The following SAMHD1 variants were observed in gnomAD, a reference collection of about 807,000 sequenced individuals.
SAMHD1 encodes SAM and HD domain containing deoxynucleoside triphosphate triphosphohydrolase 1.
A neutral mutation model predicts 79.6 loss-of-function variants in SAMHD1; 54 were observed. The observed-to-expected ratio is 0.68, with a 90% CI of 0.55 to 0.85. The LOEUF is 0.85. SAMHD1 is among the 40% of genes least tolerant of loss of function. The pLI is 0.00. For synonymous variants in SAMHD1, 260 were observed against 264.1 expected, an observed-to-expected ratio of 0.98 and a Z score of 0.15; for missense variants, 663 against 782.7, an observed-to-expected ratio of 0.85 and a Z score of 1.82.
At chr20:36,945,251 T>A (rs1450818680) in intron 2 of SAMHD1, among the ~76,000 whole-genome samples, 1 of 152,206 alleles carries the variant, frequency 6.6e-6, no homozygotes, top group African/African-American at 2.4e-5. Flanking sequence ...TAAGCGTTAA[T>A]CATATGCTTC....
intron 6 of SAMHD1, among the ~76,000 whole-genome samples, chr20:36,925,784 T>C (rs1033925338): frequency 5.9e-5 from 9 of 152,142 alleles, no homozygotes; most frequent in Non-Finnish European, 1.2e-4. Flanking sequence ...TGAAATACCA[T>C]TTGACACTCA....
chr20:36,940,658 CACT>C, intron 3 of SAMHD1: 1 of 283,328 alleles, frequency 3.5e-6, no homozygotes, highest in South Asian at 3.5e-5. Context: ...GAGATTGCAC[CACT>C]GTACTCCAGC....
chr20:36,950,650 C>G (rs1242517357), intron 1 of SAMHD1, among the ~76,000 whole-genome samples: 1 of 152,166 alleles, frequency 6.6e-6, no homozygotes, highest in African/African-American at 2.4e-5. Context: ...GGGATGTGGC[C>G]AAACTGTGGC....
chr20:36,925,322 G>A (rs530027578), intron 6 of SAMHD1, among the ~76,000 whole-genome samples: 2 of 152,182 alleles, frequency 1.3e-5, no homozygotes, highest in Non-Finnish European at 2.9e-5. Context: ...ACAACTATAA[G>A]CTCTGGACAA....
rs1990062364 is a variant in SAMHD1 at position 36,891,036 on chromosome 20, T to A, written c.*1896A>T. 1 of 152,316 alleles carries A rather than the reference T, an allele frequency of 6.6e-6. No individual in the cohort carries two copies. 9.4% of individuals were successfully genotyped at this position (152,316 alleles called of 1,614,324 possible). ...CCTGACCTTAGGTCTGGGCACATGATGTCTGACCCCTATAGAGGCACCTTG... is the reference window on the plus strand; with the variant it reads ...CCTGACCTTAGGTCTGGGCACATGAAGTCTGACCCCTATAGAGGCACCTTG... On this transcript the variant is annotated 3_prime_UTR_variant, in exon 16 of 16. Coordinates refer to ENST00000646673, the MANE Select transcript of SAMHD1 (RefSeq NM_015474.4).
chr20:36,951,459 G>A lies in SAMHD1; in HGVS notation c.185C>T (p.Pro62Leu), dbSNP rs776294378. 5 of 1,613,936 alleles carry A rather than the reference G, an allele frequency of 3.1e-6. No individual in the cohort carries two copies. In the South Asian group the frequency reaches 3.3e-5, roughly 11 times the overall value. Reference sequence around the variant, plus strand: ...ACCTCGGATGTTCTTCAGCAGCACCGGCTCTTCAAAGCCACCGCGCCTGAG... The same window carrying A: ...ACCTCGGATGTTCTTCAGCAGCACCAGCTCTTCAAAGCCACCGCGCCTGAG... The part of the protein sequence containing the change: ...SFLRRGGFEE[P>L]VLLKNIRENE... The change falls in exon 1 of 16, where the codon CCG becomes CTG. Residue 62 changes from proline (P) to leucine (L), a missense_variant. Coordinates refer to ENST00000646673, the MANE Select transcript of SAMHD1 (RefSeq NM_015474.4).
intron 2 of SAMHD1, among the ~76,000 whole-genome samples, chr20:36,941,918 TC>T (rs1371258249): frequency 2.0e-5 from 3 of 152,152 alleles, no homozygotes; most frequent in African/African-American, 7.2e-5. Flanking sequence ...TTTCGTGTTT[TC>T]CTATTCCCCT....
In SAMHD1 at chr20:36,932,832, A is replaced by T. The variant is rs1358418205; in HGVS notation, c.510-1957T>A. On this transcript the variant is annotated intron_variant, in intron 4 of 15. Transcript: ENST00000646673. ...AGAGTTTTGGCAATCGATTGGTTGC[A>T]CAATGTGAATGCATTTAACCCTACT... Among the ~76,000 whole-genome samples the T allele has an allele frequency of 2.0e-5, 3 of 152,330 alleles. No homozygotes were observed. The East Asian group carries it at 5.8e-4, about 29-fold the overall frequency.
chr20:36,906,329 T>G (rs2063405146), intron 11 of SAMHD1, among the ~76,000 whole-genome samples: 3 of 152,128 alleles, frequency 2.0e-5, no homozygotes. Flanking sequence ...TCCCAACTAC[T>G]CAGGAGGTTG....
At chr20:36,923,287 C>T (rs986463944) in intron 6 of SAMHD1, among the ~76,000 whole-genome samples, 1 of 152,218 alleles carries the variant, frequency 6.6e-6, no homozygotes, top group African/African-American at 2.4e-5. Flanking sequence ...GCGCGAGCCA[C>T]CACGCCTGGC....
At position 36,922,272 on chromosome 20, in the gene SAMHD1, T is replaced by C. The variant is rs147722805; in HGVS notation, c.697-2753A>G. Among the ~76,000 whole-genome samples, 9 of 152,362 alleles carry C rather than the reference T, an allele frequency of 5.9e-5. No homozygotes were observed. The East Asian group carries it at 1.7e-3, about 29-fold the overall frequency. ...GTAAAATTTGAAAGTCTGAATTAGATAAGAGTACTGCATCAACATTAATTT... is the reference window on the plus strand; with the variant it reads ...GTAAAATTTGAAAGTCTGAATTAGACAAGAGTACTGCATCAACATTAATTT... On this transcript the variant is annotated intron_variant, in intron 6 of 15. Transcript: ENST00000646673.
chr20:36,897,297 G>A (rs1040494435), intron 15 of SAMHD1, among the ~76,000 whole-genome samples: 1 of 152,184 alleles, frequency 6.6e-6, no homozygotes, highest in Non-Finnish European at 1.5e-5. Context: ...CATTCTCTGT[G>A]CAGACACCTA....
chr20:36,936,442 TC>T (rs2063604087), intron 3 of SAMHD1, among the ~76,000 whole-genome samples: 1 of 152,006 alleles, frequency 6.6e-6, no homozygotes, highest in Non-Finnish European at 1.5e-5. Flanking sequence ...TGCCTCAGCC[TC>T]CCAAATAGCT....
At chr20:36,916,427 T>C in intron 9 of SAMHD1, 1 of 336,430 alleles carries the variant, frequency 3.0e-6, no homozygotes, top group Non-Finnish European at 5.6e-6. Context: ...AGCTCAGGAG[T>C]TCAAGACTAG....
chr20:36,901,589 A>C (rs1028286073), intron 13 of SAMHD1, among the ~76,000 whole-genome samples: 2 of 152,014 alleles, frequency 1.3e-5, no homozygotes, highest in African/African-American at 4.8e-5. Flanking sequence ...CTTAAAAATT[A>C]GCTGGGCATG....
At chr20:36,948,982 C>A (rs377355701) in intron 1 of SAMHD1, among the ~76,000 whole-genome samples, 3 of 147,568 alleles carry the variant, frequency 2.0e-5, no homozygotes, top group African/African-American at 5.0e-5. Context: ...ACACATAGGC[C>A]GGCCGGGCGC....
chr20:36,905,129 A>C, intron 12 of SAMHD1: 1 of 523,636 alleles, frequency 1.9e-6, no homozygotes, highest in Non-Finnish European at 3.4e-6. Context: ...GTTAAGTTAG[A>C]CCTGGCTTTT....
chr20:36,934,899 C>T, intron 4 of SAMHD1, 130 bp downstream of exon 4: 1 of 905,768 alleles, frequency 1.1e-6, no homozygotes. Context: ...CTCATGTGAT[C>T]CACCCACCTC....
At position 36,898,455 on chromosome 20, in the gene SAMHD1, C is replaced by A. The variant is rs145735112; in HGVS notation, c.1593G>T (p.Arg531Ser). ...AAGTAGTTACCTGGTTTTTAGTAAT[C>A]CTGATTGCTCTGTTGGGGGCAGTCT... ...YCKTAPNRAI[R>S]ITKNQVSQLL... Residue 531 changes from arginine to serine, a missense_variant, in exon 14 of 16, where the codon AGG (arginine) becomes AGT (serine). By Grantham distance (110) the Arg-to-Ser change is moderately radical. Coordinates refer to ENST00000646673, the MANE Select transcript of SAMHD1 (RefSeq NM_015474.4). The A allele has an allele frequency of 1.9e-6, 3 of 1,613,184 alleles. No individual in the cohort carries two copies. The highest frequency in any genetic ancestry group is 2.7e-5 in the African/African-American group (2 of 74,964).
Sources: gnomAD v4.1 joint callset for allele counts (sites outside exome capture counted in the v4.1 genomes callset) on GRCh38, gnomAD v4.1.1 for gene constraint, MANE v1.5 for transcripts, NCBI Gene and HGNC (gene_info 2026-07-23, HGNC 2026-07-21) for gene names.